Variants in DIS3L2 observed in about 807,000 individuals in gnomAD.
The protein encoded by DIS3L2 is DIS3 like 3'-5' exoribonuclease 2.
Under a neutral mutation model 97.5 loss-of-function variants are expected in DIS3L2, and 34 were observed. The observed-to-expected ratio is 0.35, with a 90% confidence interval of 0.27 to 0.46. The LOEUF is 0.46. DIS3L2 is among the 20% of genes least tolerant of loss of function. The probability of loss-of-function intolerance (pLI) is 1.00; values close to 1 mark genes in which losing one functional copy is unlikely to be tolerated. For missense variants in DIS3L2, 1,038 were observed against 1,146.0 expected (o/e 0.91, Z 1.36); for synonymous variants, 435 against 445.2 (o/e 0.98, Z 0.29).
At chr2:232,010,801 T>G (rs1430724797) in intron 1 of DIS3L2, among the ~76,000 whole-genome samples, 2 of 152,230 alleles carry the variant, frequency 1.3e-5, no homozygotes, top group African/African-American at 4.8e-5. Context: ...CGTTTTCAAA[T>G]TTTGCACCCT....
At chr2:232,220,200 G>A (rs1039004508) in intron 10 of DIS3L2, among the ~76,000 whole-genome samples, 1 of 152,050 alleles carries the variant, frequency 6.6e-6, no homozygotes, top group African/African-American at 2.4e-5. Context: ...TCCTAGCCAC[G>A]TGGGAGGCTG....
At chr2:232,098,625 A>G (rs1477196137) in intron 6 of DIS3L2, among the ~76,000 whole-genome samples, 1 of 152,150 alleles carries the variant, frequency 6.6e-6, no homozygotes, top group African/African-American at 2.4e-5. Flanking sequence ...AAGTGCTGGG[A>G]TTACAGGTGT....
At chr2:232,275,716 A>G (rs981650199) in intron 13 of DIS3L2, among the ~76,000 whole-genome samples, 2 of 152,294 alleles carry the variant, frequency 1.3e-5, no homozygotes, top group East Asian at 3.9e-4. Flanking sequence ...AATTGCCCAC[A>G]TGTTTTTTTA....
At chr2:232,308,868 A>G (rs1168213537) in intron 14 of DIS3L2, among the ~76,000 whole-genome samples, 1 of 152,148 alleles carries the variant, frequency 6.6e-6, no homozygotes, top group African/African-American at 2.4e-5. Context: ...AACCAACCCT[A>G]AAACCACACT....
intron 10 of DIS3L2, among the ~76,000 whole-genome samples, chr2:232,213,533 T>A (rs574733616): frequency 6.6e-6 from 1 of 152,186 alleles, no homozygotes; most frequent in East Asian, 1.9e-4. Context: ...CCAGTTTGGA[T>A]TGGGGTGAGG....
In DIS3L2 at chr2:232,054,029, T is replaced by C. The variant is rs1017741911; in HGVS notation, c.366+23949T>C. Among the ~76,000 whole-genome samples the C allele has an allele frequency of 3.3e-5, 5 of 152,244 alleles. No individual in the cohort carries two copies. In the East Asian group the frequency reaches 7.7e-4, roughly 23 times the overall value. ...TCCCTCATTAGCATAAACTGAGGTA[T>C]GTTCGAAAAGGGCTTATTACCAATA... is the stretch of plus-strand genomic sequence containing the variant. On this transcript the variant is annotated intron_variant, in intron 5 of 20. Transcript: ENST00000325385.
chr2:231,973,201 A>G (rs1393752098), intron 1 of DIS3L2, among the ~76,000 whole-genome samples: 2 of 152,192 alleles, frequency 1.3e-5, no homozygotes, highest in East Asian at 3.8e-4. Context: ...TTTTTGCCAT[A>G]TAAGGCTATT....
intron 5 of DIS3L2, among the ~76,000 whole-genome samples, chr2:232,077,989 C>CTT (rs1696259471): frequency 7.3e-6 from 1 of 136,610 alleles, no homozygotes; most frequent in Non-Finnish European, 1.6e-5. Context: ...TTCTTTCTTT[C>CTT]TTTCTTTCTT....
intron 5 of DIS3L2, among the ~76,000 whole-genome samples, chr2:232,071,658 T>C (rs1696022542): frequency 6.6e-6 from 1 of 152,180 alleles, no homozygotes; most frequent in Non-Finnish European, 1.5e-5. Flanking sequence ...AAAAGGTCAG[T>C]GGACATTGAG....
At chr2:232,035,461 GC>G (rs1191662211) in intron 5 of DIS3L2, among the ~76,000 whole-genome samples, 1 of 152,154 alleles carries the variant, frequency 6.6e-6, no homozygotes, top group African/African-American at 2.4e-5. Flanking sequence ...CAATTTGCCA[GC>G]CTGTGCCTTT....
chr2:231,990,274 G>A (rs1460350337), intron 1 of DIS3L2, among the ~76,000 whole-genome samples: 1 of 151,972 alleles, frequency 6.6e-6, no homozygotes, highest in Non-Finnish European at 1.5e-5. Context: ...TTCACTGGAT[G>A]GATGGAGAGT....
At chr2:232,101,846 T>C (rs143830734) in intron 6 of DIS3L2, among the ~76,000 whole-genome samples, 244 of 152,362 alleles carry the variant, frequency 1.6e-3, no homozygotes, top group African/African-American at 5.5e-3. Flanking sequence ...ACATTCATAG[T>C]TCTCTAACCC....
At chr2:232,233,506 G>T (rs960904198) in intron 10 of DIS3L2, among the ~76,000 whole-genome samples, 6 of 152,208 alleles carry the variant, frequency 3.9e-5, no homozygotes, top group African/African-American at 1.4e-4. Flanking sequence ...AATTGGCAGG[G>T]AGTGGGGAGA....
intron 14 of DIS3L2, among the ~76,000 whole-genome samples, chr2:232,317,743 A>G (rs1253439483): frequency 2.0e-5 from 3 of 152,066 alleles, no homozygotes; most frequent in African/African-American, 4.8e-5. Context: ...AGCCTCTTCT[A>G]TTTTTTAATT....
intron 13 of DIS3L2, among the ~76,000 whole-genome samples, chr2:232,294,729 A>G (rs1293617033): frequency 2.0e-5 from 3 of 152,180 alleles, no homozygotes. Context: ...AACATGGACC[A>G]TACTTCAGCT....
intron 8 of DIS3L2, among the ~76,000 whole-genome samples, chr2:232,144,029 A>C (rs1690146723): frequency 6.6e-6 from 1 of 152,080 alleles, no homozygotes; most frequent in African/African-American, 2.4e-5. Flanking sequence ...AAATATACTC[A>C]CATATTTCAC....
intron 1 of DIS3L2, among the ~76,000 whole-genome samples, chr2:231,963,189 C>G (rs1692617869): frequency 6.6e-6 from 1 of 152,172 alleles, no homozygotes; most frequent in South Asian, 2.1e-4. Flanking sequence ...AATTTACATT[C>G]CCACCAACAG....
At chr2:232,242,171 A>T (rs1376148511) in intron 11 of DIS3L2, among the ~76,000 whole-genome samples, 1 of 152,252 alleles carries the variant, frequency 6.6e-6, no homozygotes, top group African/African-American at 2.4e-5. Context: ...TTAAACAGAG[A>T]TGTTGGCTGG....
At chr2:232,182,921 CTT>C (rs917990081) in intron 9 of DIS3L2, among the ~76,000 whole-genome samples, 1 of 152,124 alleles carries the variant, frequency 6.6e-6, no homozygotes, top group Non-Finnish European at 1.5e-5. Context: ...CATTTTCTGA[CTT>C]TTTTGAACTA....
Sources: allele counts gnomAD v4.1 joint callset (sites outside exome capture counted in the v4.1 genomes callset), GRCh38; gene constraint gnomAD v4.1.1; transcripts MANE v1.5; gene names NCBI Gene and HGNC (gene_info 2026-07-23, HGNC 2026-07-21).